SOX5: variants seen among roughly 807,000 people sequenced by gnomAD.
SOX5 encodes SRY-box transcription factor 5, also known as transcription factor SOX-5.
A neutral mutation model predicts 92.0 loss-of-function variants in SOX5; 9 were observed. The ratio of observed to expected loss-of-function variants is 0.10; its 90% CI spans 0.06 to 0.17. The LOEUF (loss-of-function observed/expected upper bound fraction) is 0.17, where lower values mean the gene tolerates loss of function less well. Among genes scored for constraint, SOX5 ranks in the 10% least tolerant of loss-of-function variants. The pLI, the probability that SOX5 is intolerant of heterozygous loss-of-function variation, is 1.00. For synonymous variants in SOX5, 344 were observed against 336.3 expected (o/e 1.02, Z -0.25); for missense variants, 642 against 944.5 (o/e 0.68, Z 4.20).
At chr12:23,893,717 A>G (rs1360850066) in intron 2 of SOX5, among the ~76,000 whole-genome samples, 1 of 152,206 alleles carries the variant, frequency 6.6e-6, no homozygotes, top group Non-Finnish European at 1.5e-5. Context: ...GAAAGTATTA[A>G]AAGTGGAAAA....
chr12:23,560,144 C>T (rs1447772258), intron 11 of SOX5, among the ~76,000 whole-genome samples: 2 of 152,104 alleles, frequency 1.3e-5, no homozygotes, highest in African/African-American at 4.8e-5. Flanking sequence ...CTCCTGACCT[C>T]GTGATCCCCC....
chr12:24,314,676 T>C (rs1326346595), intron 2 of SOX5, among the ~76,000 whole-genome samples: 1 of 152,192 alleles, frequency 6.6e-6, no homozygotes, highest in Non-Finnish European at 1.5e-5. Flanking sequence ...TAATCTGGCC[T>C]CCAATTACCT....
chr12:23,705,340 T>C (rs1402149905), intron 6 of SOX5, among the ~76,000 whole-genome samples: 1 of 152,002 alleles, frequency 6.6e-6, no homozygotes, highest in Non-Finnish European at 1.5e-5. Context: ...AAACATCTGT[T>C]TAAGGTCTGT....
At chr12:24,343,435 A>G (rs1424929483) in intron 2 of SOX5, among the ~76,000 whole-genome samples, 1 of 150,568 alleles carries the variant, frequency 6.6e-6, no homozygotes, top group African/African-American at 2.4e-5. Flanking sequence ...AAATAAATTT[A>G]TTTATTTATA....
intron 3 of SOX5, among the ~76,000 whole-genome samples, chr12:23,779,650 G>T (rs2095219074): frequency 6.6e-6 from 1 of 151,282 alleles, no homozygotes; most frequent in African/African-American, 2.4e-5. Flanking sequence ...TCATAAGGAA[G>T]AAACATTAGC....
chr12:24,167,086 T>A (rs1170329974), intron 4 of SOX5, among the ~76,000 whole-genome samples: 1 of 152,244 alleles, frequency 6.6e-6, no homozygotes, highest in Non-Finnish European at 1.5e-5. Flanking sequence ...TAACATTATT[T>A]TCTTTCTTTC....
At chr12:24,223,801 AC>A (rs201395542) in intron 3 of SOX5, among the ~76,000 whole-genome samples, 3 of 151,952 alleles carry the variant, frequency 2.0e-5, no homozygotes, top group African/African-American at 4.8e-5. Context: ...AAACAAACAA[AC>A]AAAAAAACAT....
intron 3 of SOX5, among the ~76,000 whole-genome samples, chr12:23,788,776 C>A (rs995426733): frequency 4.0e-5 from 6 of 151,868 alleles, no homozygotes; most frequent in African/African-American, 1.4e-4. Flanking sequence ...TAAGTAATTT[C>A]ATATTAATCA....
At chr12:24,404,959 TA>T (rs1962580770) in intron 1 of SOX5, among the ~76,000 whole-genome samples, 1 of 151,968 alleles carries the variant, frequency 6.6e-6, no homozygotes, top group African/African-American at 2.4e-5. Flanking sequence ...CAAATATGCA[TA>T]GGGGAAAAAT....
intron 2 of SOX5, among the ~76,000 whole-genome samples, chr12:24,314,814 G>A (rs1485587528): frequency 6.6e-6 from 1 of 152,198 alleles, no homozygotes; most frequent in Non-Finnish European, 1.5e-5. Flanking sequence ...CATCCACCAT[G>A]AAGGCAGGGA....
intron 1 of SOX5, chr12:24,460,813 C>G (rs1396200): frequency 6.6e-6 from 1 of 151,912 alleles, no homozygotes; most frequent in African/African-American, 2.4e-5. Flanking sequence ...GCAGTGGTAA[C>G]AGCTCCTTTG....
intron 2 of SOX5, among the ~76,000 whole-genome samples, chr12:24,306,919 A>G (rs1191012751): frequency 6.6e-6 from 1 of 152,146 alleles, no homozygotes; most frequent in Non-Finnish European, 1.5e-5. Context: ...TCCCTCCACC[A>G]AATTATATAA....
intron 1 of SOX5, among the ~76,000 whole-genome samples, chr12:24,507,070 A>C (rs556618750): frequency 6.6e-6 from 1 of 151,970 alleles, no homozygotes. Context: ...GATTACAGGC[A>C]TCAGCCACCG....
chr12:23,859,187 T>C (rs908461210), intron 2 of SOX5, among the ~76,000 whole-genome samples: 2 of 152,046 alleles, frequency 1.3e-5, no homozygotes, highest in African/African-American at 4.8e-5. Flanking sequence ...GCCTGTGGGG[T>C]CGGGCAGAAT....
At chr12:24,494,450 A>G (rs117171976) in intron 1 of SOX5, among the ~76,000 whole-genome samples, 1,543 of 152,342 alleles carry the variant, frequency 0.01, 8 homozygotes, top group Non-Finnish European at 0.016. Context: ...TCCTTATAAC[A>G]ACAGTATGAA....
chr12:23,883,136 G>A (rs192245500), intron 2 of SOX5, among the ~76,000 whole-genome samples: 1 of 151,406 alleles, frequency 6.6e-6, no homozygotes, highest in African/African-American at 2.4e-5. Context: ...AGCTGAGATC[G>A]CGCCACTGCA....
At chr12:24,501,376 C>CA (rs200917193) in intron 1 of SOX5, among the ~76,000 whole-genome samples, 3,792 of 102,000 alleles carry the variant, frequency 0.037, 74 homozygotes, top group African/African-American at 0.095. Context: ...AGATCCAGTG[C>CA]AAAAAAAAAA....
At chr12:24,025,168 C>G (rs543944997) in intron 4 of SOX5, among the ~76,000 whole-genome samples, 1 of 151,778 alleles carries the variant, frequency 6.6e-6, no homozygotes, top group Non-Finnish European at 1.5e-5. Context: ...AGAAAGCTCC[C>G]AAATGGTGGG....
At chr12:23,980,196 G>A (rs1268915805) in intron 4 of SOX5, among the ~76,000 whole-genome samples, 1 of 151,946 alleles carries the variant, frequency 6.6e-6, no homozygotes, top group Non-Finnish European at 1.5e-5. Flanking sequence ...TTTTACTGGT[G>A]AAGCCCTTGA....
Sources: allele counts gnomAD v4.1 joint callset (sites outside exome capture counted in the v4.1 genomes callset), GRCh38; gene constraint gnomAD v4.1.1; transcripts MANE v1.5; gene names NCBI Gene and HGNC (gene_info 2026-07-23, HGNC 2026-07-21).